LRRC4C: variants seen among roughly 807,000 people sequenced by gnomAD.
LRRC4C encodes leucine rich repeat containing 4C.
A neutral mutation model predicts 33.6 loss-of-function variants in LRRC4C; 5 were observed. That is an observed-to-expected ratio of 0.15 (90% confidence interval 0.08 to 0.31). LRRC4C has a LOEUF of 0.31. LRRC4C is among the 10% of genes least tolerant of loss of function. The pLI is 1.00. For missense variants in LRRC4C, 560 were observed against 796.7 expected (o/e 0.70, Z 3.58); for synonymous variants, 329 against 302.0 (o/e 1.09, Z -0.93).
chr11:40,619,609 T>C (rs941612357), intron 3 of LRRC4C, among the ~76,000 whole-genome samples: 1 of 151,688 alleles, frequency 6.6e-6, no homozygotes, highest in African/African-American at 2.4e-5. Context: ...TCTTCTAATT[T>C]AATAGATTTT....
At chr11:41,235,232 A>T (rs909485818) in intron 1 of LRRC4C, among the ~76,000 whole-genome samples, 1 of 152,058 alleles carries the variant, frequency 6.6e-6, no homozygotes, top group Non-Finnish European at 1.5e-5. Flanking sequence ...CAAAAGAGAA[A>T]TACATTGGCA....
At chr11:41,185,308 T>C (rs766450243) in intron 1 of LRRC4C, among the ~76,000 whole-genome samples, 33 of 152,032 alleles carry the variant, frequency 2.2e-4, no homozygotes, top group Admixed American at 4.6e-4. Context: ...AGGGCAGAAG[T>C]AAAGTAGATC....
intron 2 of LRRC4C, among the ~76,000 whole-genome samples, chr11:40,712,596 A>G (rs1487351846): frequency 1.3e-5 from 2 of 152,200 alleles, no homozygotes; most frequent in Admixed American, 1.3e-4. Flanking sequence ...TAATTAATAT[A>G]TTAACATTAA....
At chr11:40,733,355 G>A (rs1479080077) in intron 2 of LRRC4C, among the ~76,000 whole-genome samples, 2 of 152,016 alleles carry the variant, frequency 1.3e-5, no homozygotes, top group Non-Finnish European at 2.9e-5. Flanking sequence ...GATTGCAGGC[G>A]TGAGCCACGG....
chr11:41,249,983 G>A (rs923118202), intron 1 of LRRC4C, among the ~76,000 whole-genome samples: 22 of 149,230 alleles, frequency 1.5e-4, no homozygotes, highest in African/African-American at 5.1e-4. Context: ...GGCCAACATG[G>A]TGAAATCCCA....
At chr11:40,376,174 G>A (rs1948652770) in intron 3 of LRRC4C, among the ~76,000 whole-genome samples, 1 of 152,072 alleles carries the variant, frequency 6.6e-6, no homozygotes, top group Non-Finnish European at 1.5e-5. Flanking sequence ...TTTATCTGTA[G>A]AGTCAAAGAT....
chr11:40,545,005 C>T (rs888079530), intron 3 of LRRC4C, among the ~76,000 whole-genome samples: 14 of 151,960 alleles, frequency 9.2e-5, no homozygotes, highest in African/African-American at 3.4e-4. Context: ...TATTTCAAGC[C>T]ATTTTCATTG....
At chr11:41,092,761 A>G (rs1323385665) in intron 1 of LRRC4C, among the ~76,000 whole-genome samples, 1 of 152,252 alleles carries the variant, frequency 6.6e-6, no homozygotes, top group Non-Finnish European at 1.5e-5. Flanking sequence ...ACATTAATAA[A>G]GAGACTGAGC....
intron 2 of LRRC4C, among the ~76,000 whole-genome samples, chr11:40,743,306 C>T: frequency 6.6e-6 from 1 of 152,090 alleles, no homozygotes; most frequent in Middle Eastern, 3.4e-3. Context: ...TCTTATGCTC[C>T]CCTCTGTATT....
At chr11:40,645,320 A>T (rs1299502091) in intron 3 of LRRC4C, among the ~76,000 whole-genome samples, 1 of 152,096 alleles carries the variant, frequency 6.6e-6, no homozygotes, top group African/African-American at 2.4e-5. Flanking sequence ...ACAAACATAA[A>T]CACACACAGA....
rs535851522 is a variant in LRRC4C, at chr11:40,340,877, T to G, written c.-269-21156A>C. 8.5e-5 allele frequency among the ~76,000 whole-genome samples: 13 copies of G among 152,268 alleles called. 1 individual carries two copies. The South Asian group carries it at 2.3e-3, about 27-fold the overall frequency. On this transcript the variant is annotated intron_variant, in intron 3 of 6. Coordinates refer to ENST00000528697, the MANE Select transcript of LRRC4C (RefSeq NM_001258419.2). Reference sequence around the variant, plus strand: ...ATTTTAAATGACAGAAGCCAAAAATTAAGCTCATGTAGTCACTTATCTACC... The same window carrying G: ...ATTTTAAATGACAGAAGCCAAAAATGAAGCTCATGTAGTCACTTATCTACC...
intron 3 of LRRC4C, among the ~76,000 whole-genome samples, chr11:40,619,272 CTT>C (rs1281463396): frequency 1.3e-5 from 2 of 151,762 alleles, no homozygotes; most frequent in Non-Finnish European, 3.0e-5. Context: ...TTTTAAATAA[CTT>C]AATGCAATTG....
At position 41,455,034 on chromosome 11, in the gene LRRC4C, G is replaced by A. The variant is rs144260541; in HGVS notation, c.-496+4397C>T. On this transcript the variant is annotated intron_variant, in intron 1 of 6. Transcript: ENST00000528697. ...AGATTAGACAGCTAAGGCTTCATGA[G>A]ATTAGGTATCTGATCTCATTCTATT... 5.6e-3 allele frequency among the ~76,000 whole-genome samples: 854 copies of A among 152,124 alleles called. 11 individuals carry two copies. The highest frequency in any genetic ancestry group is 0.02 in the African/African-American group (828 of 41,524).
intron 2 of LRRC4C, among the ~76,000 whole-genome samples, chr11:40,775,924 G>A (rs77332391): frequency 0.11 from 16,290 of 152,058 alleles, 1,270 homozygotes; most frequent in East Asian, 0.41. Context: ...ATAGATGGGA[G>A]TCATTATTTT....
At position 40,680,148 on chromosome 11, in the gene LRRC4C, A is replaced by C. The variant is rs1027389893; in HGVS notation, c.-406-31870T>G. Among the ~76,000 whole-genome samples, 90 of 152,294 alleles carry C rather than the reference A, an allele frequency of 5.9e-4. 2 individuals are homozygous for C. The highest frequency in any genetic ancestry group is 2.1e-3 in the African/African-American group (89 of 41,568). On this transcript the variant is annotated intron_variant, in intron 2 of 6. Transcript: ENST00000528697. ...TGTCCTGCTGGATAATCGAACTTGC[A>C]TGGGGCCTTTAGCCTTTAAGCTTCG... is the stretch of plus-strand genomic sequence containing the variant.
intron 2 of LRRC4C, among the ~76,000 whole-genome samples, chr11:40,750,817 A>G (rs1247806385): frequency 1.3e-5 from 2 of 150,600 alleles, no homozygotes; most frequent in South Asian, 2.1e-4. Flanking sequence ...AGAAAAAAAA[A>G]AAAAGAAAAG....
chr11:40,927,360 A>G (rs1216228650), intron 2 of LRRC4C, among the ~76,000 whole-genome samples: 1 of 151,926 alleles, frequency 6.6e-6, no homozygotes, highest in Non-Finnish European at 1.5e-5. Context: ...AACAATAAAG[A>G]CTGTGACTCA....
At chr11:40,375,033 T>C (rs1948601449) in intron 3 of LRRC4C, among the ~76,000 whole-genome samples, 1 of 152,162 alleles carries the variant, frequency 6.6e-6, no homozygotes, top group African/African-American at 2.4e-5. Context: ...ATGGATGCCT[T>C]GAGATTCCTA....
intron 3 of LRRC4C, among the ~76,000 whole-genome samples, chr11:40,359,146 T>C (rs1947827588): frequency 6.6e-6 from 1 of 152,314 alleles, no homozygotes; most frequent in East Asian, 1.9e-4. Context: ...TGGCAACTGA[T>C]ACAAAGAACT....
Sources: gnomAD v4.1 joint callset for allele counts (sites outside exome capture counted in the v4.1 genomes callset) on GRCh38, gnomAD v4.1.1 for gene constraint, MANE v1.5 for transcripts, NCBI Gene and HGNC (gene_info 2026-07-23, HGNC 2026-07-21) for gene names.